The following CFDP1 variants were observed in gnomAD, a reference collection of about 807,000 sequenced individuals.
CFDP1 encodes the protein chromatin remodeling protein CFDP1.
In CFDP1, 31 loss-of-function variants were observed where a neutral mutation model predicts 40.1. The observed-to-expected ratio is 0.77, with a 90% CI of 0.58 to 1.04. The LOEUF (loss-of-function observed/expected upper bound fraction) is 1.04, where lower values mean the gene tolerates loss of function less well. Among genes scored for constraint, CFDP1 ranks in the 50% least tolerant of loss-of-function variants. The probability of loss-of-function intolerance (pLI) is 0.00; values close to 1 mark genes in which losing one functional copy is unlikely to be tolerated. For missense variants in CFDP1, 423 were observed against 343.4 expected, an observed-to-expected ratio of 1.23 and a Z score of -1.83; for synonymous variants, 167 against 120.0, an observed-to-expected ratio of 1.39 and a Z score of -2.56.
In CFDP1 at chr16:75,411,840, G is replaced by C. The variant is rs781139341; in HGVS notation, c.515C>G (p.Ala172Gly). ...KVKITKVFDF[A>G]GEEVRVTKEV... ...GTTCTCTTACCTTACTTCTTCACCA[G>C]CAAAATCAAACACCTTGGTGATTTT... The change falls in exon 4 of 7, where the codon GCT (alanine) becomes GGT (glycine). Residue 172 changes from alanine to glycine, a missense_variant. Coordinates refer to ENST00000283882, the MANE Select transcript of CFDP1 (RefSeq NM_006324.3). 1.2e-6 allele frequency: 2 copies of C among 1,608,274 alleles called. No homozygotes were observed. The highest frequency in any genetic ancestry group is 2.2e-5 in the South Asian group (2 of 89,116).
chr16:75,414,768 C>T (rs1291248936), intron 1 of CFDP1, 73 bp from the exon 2 acceptor site: 1 of 911,626 alleles, frequency 1.1e-6, no homozygotes, highest in Admixed American at 2.0e-5. Flanking sequence ...TTCATTAATA[C>T]AAGCTTTCAC....
At chr16:75,356,124 A>G (rs2078642861) in intron 5 of CFDP1, among the ~76,000 whole-genome samples, 1 of 152,184 alleles carries the variant, frequency 6.6e-6, no homozygotes, top group Non-Finnish European at 1.5e-5. Context: ...AGGATAGTGA[A>G]TTCTTTCCAG....
intron 5 of CFDP1, among the ~76,000 whole-genome samples, chr16:75,377,573 GA>G (rs2078811798): frequency 6.6e-6 from 1 of 152,182 alleles, no homozygotes; most frequent in African/African-American, 2.4e-5. Context: ...TGGCAAAGAA[GA>G]AACTAAATGT....
chr16:75,331,291 T>G (rs544332707), intron 5 of CFDP1, among the ~76,000 whole-genome samples: 2 of 152,344 alleles, frequency 1.3e-5, no homozygotes, highest in East Asian at 1.9e-4. Flanking sequence ...TTTTGATTTT[T>G]ATTTTTGTAG....
chr16:75,314,905 C>T (rs961928774), intron 5 of CFDP1, among the ~76,000 whole-genome samples: 1 of 152,128 alleles, frequency 6.6e-6, no homozygotes, highest in African/African-American at 2.4e-5. Flanking sequence ...GCACCTGCCA[C>T]CACACCTGGC....
chr16:75,336,421 C>A (rs1351689414), intron 5 of CFDP1, among the ~76,000 whole-genome samples: 1 of 152,208 alleles, frequency 6.6e-6, no homozygotes, highest in Non-Finnish European at 1.5e-5. Context: ...ACATTGTAAG[C>A]AGCAAGAACG....
intron 1 of CFDP1, among the ~76,000 whole-genome samples, chr16:75,432,879 C>G (rs1339569813): frequency 2.0e-5 from 3 of 148,500 alleles, no homozygotes; most frequent in Non-Finnish European, 3.0e-5. Flanking sequence ...AGGCGGAGAG[C>G]GGACAGCTCT....
chr16:75,344,473 G>A lies in CFDP1; in HGVS notation c.651-39291C>T, dbSNP rs368176745. On this transcript the variant is annotated intron_variant, in intron 5 of 6. Transcript: ENST00000283882. ...ACTATAAAATAATGGTACAATTCGTGACTGAACAACCACGTTATAGCTTAT... is the reference window on the plus strand; with the variant it reads ...ACTATAAAATAATGGTACAATTCGTAACTGAACAACCACGTTATAGCTTAT... 1.4e-4 allele frequency among the ~76,000 whole-genome samples: 21 copies of A among 152,306 alleles called. 3 individuals carry two copies. Among genetic ancestry groups the A allele is most frequent in the Admixed American group, 6.5e-4 (10 of 15,308 alleles).
intron 5 of CFDP1, among the ~76,000 whole-genome samples, chr16:75,341,352 G>C (rs1355917600): frequency 6.6e-6 from 1 of 152,168 alleles, no homozygotes; most frequent in African/African-American, 2.4e-5. Context: ...GGGATTCAAA[G>C]TTATTAATAA....
At chr16:75,338,615 G>T (rs2078506529) in intron 5 of CFDP1, among the ~76,000 whole-genome samples, 1 of 152,176 alleles carries the variant, frequency 6.6e-6, no homozygotes, top group African/African-American at 2.4e-5. Context: ...TCACTTTCCA[G>T]AGGGTTACTG....
intron 5 of CFDP1, among the ~76,000 whole-genome samples, chr16:75,334,764 G>C (rs996064051): frequency 6.6e-6 from 1 of 152,110 alleles, no homozygotes. Flanking sequence ...GGACCAACCT[G>C]GCCAACATGG....
chr16:75,340,818 GGAT>G (rs1419267675), intron 5 of CFDP1, among the ~76,000 whole-genome samples: 2 of 152,124 alleles, frequency 1.3e-5, no homozygotes, highest in Non-Finnish European at 1.5e-5. Flanking sequence ...AAGCTTTTAA[GGAT>G]GAGGTCAATG....
At chr16:75,313,962 G>A (rs1178718887) in intron 5 of CFDP1, among the ~76,000 whole-genome samples, 8 of 152,026 alleles carry the variant, frequency 5.3e-5, no homozygotes, top group Non-Finnish European at 1.0e-4. Context: ...TTGGCTCACC[G>A]CAACCTCCGC....
rs554248946 is a variant in CFDP1, at chr16:75,348,757, A to T, written c.651-43575T>A. ...CATTAAATGTCTTTACTCAGAACTC[A>T]TTAATTTCTTTGAACAGTATTTTGT... On this transcript the variant is annotated intron_variant, in intron 5 of 6. Transcript: ENST00000283882. 2.0e-5 allele frequency among the ~76,000 whole-genome samples: 3 copies of T among 152,322 alleles called. No homozygotes were observed. The East Asian group carries it at 5.8e-4, about 29-fold the overall frequency.
rs185393794 is a variant in CFDP1 at position 75,332,546 on chromosome 16, G to A, written c.651-27364C>T. Among the ~76,000 whole-genome samples the A allele has an allele frequency of 6.5e-3, 982 of 151,676 alleles. 8 individuals carry two copies. Among genetic ancestry groups the A allele is most frequent in the Middle Eastern group, 0.017 (5 of 294 alleles). On this transcript the variant is annotated intron_variant, in intron 5 of 6. Transcript: ENST00000283882. The stretch of plus-strand genomic sequence containing the variant: ...GCTCGATGTGGTGGTGCTTGTTTGT[G>A]GTCCCAGCTACTTGGGAGGCTGAAG...
rs568416904 is a variant in CFDP1 at position 75,414,753 on chromosome 16, A to G, written c.65-58T>C. 54 of 1,167,238 alleles carry G rather than the reference A, an allele frequency of 4.6e-5. No homozygotes were observed. In the African/African-American group the frequency reaches 7.1e-4, roughly 15 times the overall value. The allele number at this position is 1,167,238 out of a possible 1,614,324, so 72.3% of individuals were successfully genotyped here. On this transcript the variant is annotated intron_variant, in intron 1 of 6. Transcript: ENST00000283882. ...ATAAAGGTTTTCACATCAAGATGAG[A>G]CATTTTCATTAATACAAGCTTTCAC...
chr16:75,347,976 G>A (rs1030604630), intron 5 of CFDP1, among the ~76,000 whole-genome samples: 5 of 152,192 alleles, frequency 3.3e-5, no homozygotes, highest in African/African-American at 1.2e-4. Flanking sequence ...AAACTGTCAT[G>A]GGGCGGGAGA....
chr16:75,426,372 A>C (rs2079342846), intron 1 of CFDP1, among the ~76,000 whole-genome samples: 1 of 151,626 alleles, frequency 6.6e-6, no homozygotes, highest in African/African-American at 2.4e-5. Flanking sequence ...AACAACAACA[A>C]AGTAAAACTA....
At chr16:75,354,901 G>A (rs192489570) in intron 5 of CFDP1, among the ~76,000 whole-genome samples, 93 of 152,262 alleles carry the variant, frequency 6.1e-4, no homozygotes, top group African/African-American at 2.2e-3. Context: ...AGAGAAAGCT[G>A]GGTGACACAT....
Sources: gnomAD v4.1 joint callset for allele counts (sites outside exome capture counted in the v4.1 genomes callset) on GRCh38, gnomAD v4.1.1 for gene constraint, MANE v1.5 for transcripts, NCBI Gene and HGNC (gene_info 2026-07-23, HGNC 2026-07-21) for gene names.